The following CACNA1B variants were observed in gnomAD, a reference collection of about 807,000 sequenced individuals.
CACNA1B encodes the protein calcium voltage-gated channel subunit alpha1 B.
CACNA1B carries 70 observed loss-of-function variants against 247.2 expected under a neutral mutation model. The ratio of observed to expected loss-of-function variants is 0.28; its 90% CI spans 0.23 to 0.35. The LOEUF (loss-of-function observed/expected upper bound fraction) is 0.35, where lower values mean the gene tolerates loss of function less well. Ranked by LOEUF, CACNA1B falls within the 10% of genes least tolerant of loss-of-function variation. The pLI, the probability that CACNA1B is intolerant of heterozygous loss-of-function variation, is 1.00. For synonymous variants in CACNA1B, 1,231 were observed against 1,294.4 expected (o/e 0.95, Z 1.05); for missense variants, 2,367 against 3,197.4 (o/e 0.74, Z 6.26).
chr9:138,017,899 A>G (rs961442526), intron 18 of CACNA1B, among the ~76,000 whole-genome samples: 5 of 122,102 alleles, frequency 4.1e-5, no homozygotes, highest in Non-Finnish European at 8.3e-5. Flanking sequence ...TGAAGTGGTC[A>G]GGTGCAGTTA....
At chr9:138,015,693 T>G (rs1486038895) in intron 18 of CACNA1B, among the ~76,000 whole-genome samples, 1 of 152,222 alleles carries the variant, frequency 6.6e-6, no homozygotes, top group Non-Finnish European at 1.5e-5. Flanking sequence ...ATGCTCTGTT[T>G]GGCTTGACAC....
At chr9:138,106,063 A>T (rs913853259) in intron 39 of CACNA1B, among the ~76,000 whole-genome samples, 1 of 152,204 alleles carries the variant, frequency 6.6e-6, no homozygotes, top group African/African-American at 2.4e-5. Flanking sequence ...TAAATTGCCC[A>T]GGTAATTCAG....
chr9:138,076,135 C>G (rs904935816), intron 35 of CACNA1B, among the ~76,000 whole-genome samples: 1 of 152,156 alleles, frequency 6.6e-6, no homozygotes, highest in Non-Finnish European at 1.5e-5. Flanking sequence ...GAAGGGAAGC[C>G]CTGAGGGAGA....
At chr9:137,906,182 G>T (rs1306317416) in intron 3 of CACNA1B, among the ~76,000 whole-genome samples, 1 of 152,222 alleles carries the variant, frequency 6.6e-6, no homozygotes, top group Non-Finnish European at 1.5e-5. Context: ...AAAAAGAAGA[G>T]ATGTTTTCCG....
chr9:138,043,776 G>T lies in CACNA1B; in HGVS notation c.3289G>T (p.Gly1097Cys). The change falls in exon 21 of 47, where the codon GGT becomes TGT. Residue 1097 changes from glycine to cysteine, a missense_variant and splice_region_variant. Gly to Cys is a radical substitution (Grantham distance 159). Transcript: ENST00000371372. ...TCGGGGGCCCTGTGTCCTTGTAGGT[G>T]GTAACGTGGACCTGGAAAGCCAAGC... The part of the protein sequence containing the change: ...PLGEATVVPS[G>C]NVDLESQAEG... The T allele has an allele frequency of 1.2e-6, 2 of 1,613,890 alleles. No homozygotes were observed. Among genetic ancestry groups the T allele is most frequent in the Non-Finnish European group, 1.7e-6 (2 of 1,179,838 alleles).
intron 38 of CACNA1B, 65 bp from the exon 39 acceptor site, chr9:138,105,634 G>C: frequency 1.2e-6 from 1 of 848,942 alleles, no homozygotes; most frequent in Non-Finnish European, 1.9e-6. Context: ...CCCCATCATT[G>C]CGTAGTCTTG....
intron 19 of CACNA1B, among the ~76,000 whole-genome samples, chr9:138,024,039 G>C (rs1958888619): frequency 1.3e-5 from 2 of 152,228 alleles, no homozygotes; most frequent in Admixed American, 6.5e-5. Context: ...TGTATGCTCC[G>C]TAAAAGGCTT....
chr9:137,989,083 A>G (rs571083121), intron 15 of CACNA1B, among the ~76,000 whole-genome samples: 1 of 152,358 alleles, frequency 6.6e-6, no homozygotes, highest in Non-Finnish European at 1.5e-5. Flanking sequence ...CTACAGTCAG[A>G]AGGCGTAATC....
chr9:138,040,086 C>CA (rs927559277), intron 20 of CACNA1B, among the ~76,000 whole-genome samples: 1 of 152,144 alleles, frequency 6.6e-6, no homozygotes, highest in African/African-American at 2.4e-5. Context: ...CACAGGCGCA[C>CA]ACCACCATAC....
At chr9:138,119,769 T>C (rs1312501504) in intron 44 of CACNA1B, among the ~76,000 whole-genome samples, 1 of 152,178 alleles carries the variant, frequency 6.6e-6, no homozygotes, top group Non-Finnish European at 1.5e-5. Flanking sequence ...TGGGTGAGTT[T>C]ACCTGGGAGG....
chr9:137,923,759 C>T (rs559024464), intron 6 of CACNA1B, among the ~76,000 whole-genome samples: 2 of 152,330 alleles, frequency 1.3e-5, no homozygotes, highest in Admixed American at 6.5e-5. Context: ...TACATTTCCA[C>T]CAGTGGTGTG....
intron 3 of CACNA1B, among the ~76,000 whole-genome samples, chr9:137,903,083 T>C (rs1957257396): frequency 6.6e-6 from 1 of 152,186 alleles, no homozygotes; most frequent in Non-Finnish European, 1.5e-5. Context: ...GTTTTTCCTG[T>C]AAATTATACT....
chr9:137,956,378 C>T (rs1294412089), intron 8 of CACNA1B, among the ~76,000 whole-genome samples: 1 of 152,190 alleles, frequency 6.6e-6, no homozygotes. Flanking sequence ...GATAAGGCAG[C>T]CAGGTGCAGT....
chr9:138,041,715 A>G (rs1048931708), intron 20 of CACNA1B, among the ~76,000 whole-genome samples: 1 of 152,168 alleles, frequency 6.6e-6, no homozygotes, highest in Non-Finnish European at 1.5e-5. Context: ...TCTTCATTGA[A>G]GCCAGACTGA....
At position 138,025,012 on chromosome 9, in the gene CACNA1B, A is replaced by C; in HGVS notation, c.3126A>C (p.Thr1042=). Residue 1042 remains threonine, a synonymous_variant, in exon 20 of 47, where the codon ACA becomes ACC. Transcript: ENST00000371372. ...SGTVTVGPMH[T]LPSTCLQKVE... is the part of the protein sequence containing the mutation. Reference sequence around the variant, plus strand: ...CTGTGACTGTGGGTCCCATGCACACACTGCCCAGCACCTGTCTCCAGAAGG... The same window carrying C: ...CTGTGACTGTGGGTCCCATGCACACCCTGCCCAGCACCTGTCTCCAGAAGG... The C allele has an allele frequency of 6.2e-7, 1 of 1,601,010 alleles. No homozygotes were observed. Among genetic ancestry groups the C allele is most frequent in the Non-Finnish European group, 8.5e-7 (1 of 1,173,834 alleles).
At position 138,000,228 on chromosome 9, in the gene CACNA1B, G is replaced by A. The variant is rs538939824; in HGVS notation, c.1975-6539G>A. Among the ~76,000 whole-genome samples the A allele has an allele frequency of 1.8e-3, 270 of 151,560 alleles. 1 individual carries two copies. Among genetic ancestry groups the A allele is most frequent in the South Asian group, 3.4e-3 (16 of 4,734 alleles). ...ATTCTCCTGCCTCAGCCTCCCGAGTGGCTGGGACTACAGGCGCCCGCCACT... is the reference window on the plus strand; with the variant it reads ...ATTCTCCTGCCTCAGCCTCCCGAGTAGCTGGGACTACAGGCGCCCGCCACT... On this transcript the variant is annotated intron_variant, in intron 15 of 46. Coordinates refer to ENST00000371372, the MANE Select transcript of CACNA1B (RefSeq NM_000718.4).
intron 15 of CACNA1B, among the ~76,000 whole-genome samples, chr9:137,999,247 T>G (rs79893037): frequency 7.2e-5 from 6 of 83,800 alleles, no homozygotes; most frequent in African/African-American, 6.6e-4. Flanking sequence ...AAATAAAAAA[T>G]AAAAAATGAA....
Position 138,073,579 on chromosome 9 carries a change from T to C in CACNA1B, c.4766T>C (p.Leu1589Pro). ...LRQGYTIRIL[L>P]WTFVQSFKAL... ...CAGGGCTACACCATCCGCATCCTGC[T>C]GTGGACCTTTGTCCAGTCCTTCAAG... The change falls in exon 33 of 47, where the codon CTG (leucine) becomes CCG (proline). Residue 1589 changes from leucine (L) to proline (P), a missense_variant. Around this residue, in one of 12 missense-constraint regions of CACNA1B, gnomAD observed 436 missense variants for 679.5 expected, o/e 0.64. Transcript: ENST00000371372. The surrounding 1 kb of genome is among the most constrained non-coding windows in gnomAD (Gnocchi z 6.4). 1 of 1,610,162 alleles carries C rather than the reference T, an allele frequency of 6.2e-7. No individual in the cohort carries two copies. The highest frequency in any genetic ancestry group is 8.5e-7 in the Non-Finnish European group (1 of 1,176,520).
intron 16 of CACNA1B, among the ~76,000 whole-genome samples, chr9:138,009,207 G>C (rs1958693257): frequency 6.6e-6 from 1 of 152,258 alleles, no homozygotes; most frequent in Admixed American, 6.5e-5. Flanking sequence ...ACCTGTGGCA[G>C]GTGCTTCCCT....
Sources: allele counts gnomAD v4.1 joint callset (sites outside exome capture counted in the v4.1 genomes callset), GRCh38; gene constraint gnomAD v4.1.1; regional missense constraint gnomAD v4.1.1; non-coding constraint Gnocchi (gnomAD v3.1); transcripts MANE v1.5; gene names NCBI Gene and HGNC (gene_info 2026-07-23, HGNC 2026-07-21).